The following GRM7 variants were observed in gnomAD, a reference collection of about 807,000 sequenced individuals.
GRM7 encodes the protein glutamate metabotropic receptor 7, also known as metabotropic glutamate receptor 7.
In GRM7, 35 loss-of-function variants were observed where a neutral mutation model predicts 84.5. The ratio of observed to expected loss-of-function variants is 0.41; its 90% confidence interval spans 0.32 to 0.55. The LOEUF is 0.55. GRM7 is among the 20% of genes least tolerant of loss of function. The probability of loss-of-function intolerance (pLI) is 0.19; values close to 1 mark genes in which losing one functional copy is unlikely to be tolerated. For synonymous variants in GRM7, 487 were observed against 455.1 expected, an observed-to-expected ratio of 1.07 and a Z score of -0.89; for missense variants, 1,003 against 1,194.6, an observed-to-expected ratio of 0.84 and a Z score of 2.36.
At chr3:6,976,595 A>C (rs560787127) in intron 1 of GRM7, among the ~76,000 whole-genome samples, 3 of 152,162 alleles carry the variant, frequency 2.0e-5, no homozygotes, top group South Asian at 4.1e-4. Flanking sequence ...TTAAAACAGC[A>C]TTTGTGGCTT....
chr3:7,337,053 T>C (rs1288462034), intron 4 of GRM7, among the ~76,000 whole-genome samples: 2 of 151,996 alleles, frequency 1.3e-5, no homozygotes, highest in African/African-American at 2.4e-5. Flanking sequence ...AATAGCATGA[T>C]ACTGGTATAA....
At chr3:6,926,633 A>G (rs533304043) in intron 1 of GRM7, among the ~76,000 whole-genome samples, 47 of 152,330 alleles carry the variant, frequency 3.1e-4, no homozygotes, top group Admixed American at 1.1e-3. Context: ...TGTCTCCTCT[A>G]CAATGAGCAG....
chr3:7,131,903 G>T (rs919719793), intron 1 of GRM7, among the ~76,000 whole-genome samples: 1 of 152,160 alleles, frequency 6.6e-6, no homozygotes, highest in Non-Finnish European at 1.5e-5. Context: ...ATTTTCTCCA[G>T]CTGTAAATCA....
chr3:7,288,415 TA>T (rs1231923405), intron 2 of GRM7, among the ~76,000 whole-genome samples: 4 of 152,228 alleles, frequency 2.6e-5, no homozygotes, highest in African/African-American at 9.6e-5. Context: ...AAGGAAATCA[TA>T]TCAGAATTTA....
At chr3:7,362,126 T>C (rs1007778729) in intron 4 of GRM7, among the ~76,000 whole-genome samples, 7 of 152,116 alleles carry the variant, frequency 4.6e-5, no homozygotes, top group African/African-American at 1.2e-4. Flanking sequence ...TGAAGAGTTA[T>C]GTCATGTCAT....
intron 2 of GRM7, among the ~76,000 whole-genome samples, chr3:7,158,704 A>G (rs575271959): frequency 6.6e-6 from 1 of 152,316 alleles, no homozygotes; most frequent in East Asian, 1.9e-4. Flanking sequence ...AATATTAAAT[A>G]CTAAATAAAC....
At position 7,013,791 on chromosome 3, in the gene GRM7, G is replaced by A. The variant is rs78253964; in HGVS notation, c.520-132661G>A. 9.5e-3 allele frequency among the ~76,000 whole-genome samples: 1,444 copies of A among 152,144 alleles called. 17 individuals are homozygous for A. The highest frequency in any genetic ancestry group is 0.033 in the African/African-American group (1,358 of 41,510). On this transcript the variant is annotated intron_variant, in intron 1 of 9. Coordinates refer to ENST00000357716, the MANE Select transcript of GRM7 (RefSeq NM_000844.4). The stretch of plus-strand genomic sequence containing the variant: ...CAATTTTTTTTTAATCCTACTAAAA[G>A]CAATTGCAATTGTTTGCTATGTCTT...
rs34860272 is a variant in GRM7, at chr3:7,435,851, CTTTTTTTTTTTTT to C, written c.1175-16744_1175-16732del. On this transcript the variant is annotated intron_variant, in intron 5 of 9. Transcript: ENST00000357716. ...TACAGGCGCCCGCCACCACACCCAT[CTTTTTTTTTTTTT>C]TTTTTTTTTTTGTATTTTTAGTAAA... Among the ~76,000 whole-genome samples, 84 of 89,254 alleles carry C rather than the reference CTTTTTTTTTTTTT, an allele frequency of 9.4e-4. 1 individual carries two copies. The highest frequency in any genetic ancestry group is 1.2e-3 in the Non-Finnish European group (55 of 47,760). The allele number at this position is 89,254 out of a possible 152,430, so 58.6% of individuals were successfully genotyped here. A position where few individuals can be genotyped will look rare whatever the true frequency, so the allele number is the denominator to read the frequency against.
chr3:7,124,977 C>T (rs370964673), intron 1 of GRM7, among the ~76,000 whole-genome samples: 1 of 152,048 alleles, frequency 6.6e-6, no homozygotes, highest in Non-Finnish European at 1.5e-5. Context: ...CTCACTCTGT[C>T]GCCCAGGCTG....
chr3:7,568,840 G>A (rs1694474761), intron 7 of GRM7, among the ~76,000 whole-genome samples: 2 of 152,252 alleles, frequency 1.3e-5, no homozygotes, highest in South Asian at 2.1e-4. Context: ...CCGTGGGGAG[G>A]GCTCGGGACC....
At chr3:7,020,832 A>C (rs1056960288) in intron 1 of GRM7, among the ~76,000 whole-genome samples, 2 of 152,174 alleles carry the variant, frequency 1.3e-5, no homozygotes, top group African/African-American at 4.8e-5. Context: ...AATAAGATGC[A>C]ATCTCTTGTC....
At chr3:7,225,475 A>G (rs924514082) in intron 2 of GRM7, among the ~76,000 whole-genome samples, 5 of 147,680 alleles carry the variant, frequency 3.4e-5, no homozygotes, top group Admixed American at 2.7e-4. Context: ...TAATTATAAT[A>G]AATGTAAATA....
rs372075812 is a variant in GRM7 at position 7,359,333 on chromosome 3, CTT to C, written c.1033+52700_1033+52701del. Among the ~76,000 whole-genome samples the C allele has an allele frequency of 3.8e-3, 370 of 98,514 alleles. 6 individuals are homozygous for C. The highest frequency in any genetic ancestry group is 0.016 in the Middle Eastern group (3 of 188). 64.6% of individuals were successfully genotyped at this position (98,514 alleles called of 152,430 possible). A position where few individuals can be genotyped will look rare whatever the true frequency, so the allele number is the denominator to read the frequency against. ...CTGAATCCTATTCACCCCTCCTCCTCTTTTTTTTTTTTTTTTTTTTGAGACAG... is the reference window on the plus strand; with the variant it reads ...CTGAATCCTATTCACCCCTCCTCCTCTTTTTTTTTTTTTTTTTTGAGACAG... On this transcript the variant is annotated intron_variant, in intron 4 of 9. Coordinates refer to ENST00000357716, the MANE Select transcript of GRM7 (RefSeq NM_000844.4).
At chr3:7,684,179 C>A (rs1426521972) in intron 9 of GRM7, among the ~76,000 whole-genome samples, 1 of 152,092 alleles carries the variant, frequency 6.6e-6, no homozygotes, top group Non-Finnish European at 1.5e-5. Flanking sequence ...CTGTTTAATG[C>A]CAAATATAGC....
At chr3:7,335,865 G>A (rs1032661439) in intron 4 of GRM7, among the ~76,000 whole-genome samples, 1 of 151,836 alleles carries the variant, frequency 6.6e-6, no homozygotes, top group South Asian at 2.1e-4. Context: ...GAAAGAAAAA[G>A]AAACTGAACA....
chr3:7,070,604 T>TA (rs1335438995), intron 1 of GRM7, among the ~76,000 whole-genome samples: 16 of 152,096 alleles, frequency 1.1e-4, no homozygotes, highest in Non-Finnish European at 1.8e-4. Flanking sequence ...CAATTTTTTT[T>TA]AAAGTCACTA....
At chr3:7,401,213 A>C (rs758703055) in intron 4 of GRM7, among the ~76,000 whole-genome samples, 2 of 152,118 alleles carry the variant, frequency 1.3e-5, no homozygotes, top group African/African-American at 2.4e-5. Context: ...CTAAAATGAG[A>C]TTGCATTTTC....
At chr3:7,100,999 A>G (rs1173755299) in intron 1 of GRM7, among the ~76,000 whole-genome samples, 1 of 151,334 alleles carries the variant, frequency 6.6e-6, no homozygotes, top group Non-Finnish European at 1.5e-5. Flanking sequence ...TCCATTCTCC[A>G]GTTGATGGAA....
chr3:6,910,450 T>A (rs1204038249), intron 1 of GRM7, among the ~76,000 whole-genome samples: 1 of 152,140 alleles, frequency 6.6e-6, no homozygotes, highest in African/African-American at 2.4e-5. Context: ...CACAGCCTCC[T>A]GAGTTAAAAC....
Sources: gnomAD v4.1 joint callset for allele counts (sites outside exome capture counted in the v4.1 genomes callset) on GRCh38, gnomAD v4.1.1 for gene constraint, MANE v1.5 for transcripts, NCBI Gene and HGNC (gene_info 2026-07-23, HGNC 2026-07-21) for gene names.